The following RUFY4 variants were observed in gnomAD, a reference collection of about 807,000 sequenced individuals.
The protein encoded by RUFY4 is RUN and FYVE domain containing 4, also known as RUN and FYVE domain-containing protein 4.
A neutral mutation model predicts 69.0 loss-of-function variants in RUFY4; 73 were observed. The observed-to-expected ratio is 1.06, with a 90% CI of 0.88 to 1.29. The LOEUF is 1.29. RUFY4 is among the 50% of genes most tolerant of loss of function. The pLI, the probability that RUFY4 is intolerant of heterozygous loss-of-function variation, is 0.00. For missense variants in RUFY4, 770 were observed against 705.6 expected, an observed-to-expected ratio of 1.09 and a Z score of -1.03; for synonymous variants, 287 against 271.8, an observed-to-expected ratio of 1.06 and a Z score of -0.55.
intron 3 of RUFY4, among the ~76,000 whole-genome samples, chr2:218,058,846 C>T (rs1270053420): frequency 3.3e-5 from 5 of 152,148 alleles, no homozygotes; most frequent in African/African-American, 1.2e-4. Context: ...CAACCCTTTG[C>T]ACCTTCTAAG....
intron 2 of RUFY4, among the ~76,000 whole-genome samples, chr2:218,039,300 G>A (rs556499905): frequency 1.3e-5 from 2 of 152,312 alleles, no homozygotes; most frequent in South Asian, 4.1e-4. Context: ...AGGAACAATG[G>A]CAGGCAGACC....
At chr2:218,040,406 T>A (rs553501270) in intron 2 of RUFY4, among the ~76,000 whole-genome samples, 235 of 152,322 alleles carry the variant, frequency 1.5e-3, no homozygotes, top group Admixed American at 2.3e-3. Context: ...CTCCTACGGT[T>A]GGACACACCT....
At chr2:218,049,801 C>A (rs949927137) in intron 2 of RUFY4, among the ~76,000 whole-genome samples, 1 of 152,212 alleles carries the variant, frequency 6.6e-6, no homozygotes, top group African/African-American at 2.4e-5. Flanking sequence ...AGCCACCGTG[C>A]CCAGCTAGGT....
chr2:218,036,795 C>T (rs1958986402), intron 2 of RUFY4, among the ~76,000 whole-genome samples: 1 of 152,250 alleles, frequency 6.6e-6, no homozygotes, highest in African/African-American at 2.4e-5. Context: ...ACTTCTCACT[C>T]TGGTTTGCAG....
chr2:218,085,941 G>C (rs1231733242), intron 9 of RUFY4, among the ~76,000 whole-genome samples: 1 of 152,112 alleles, frequency 6.6e-6, no homozygotes, highest in Non-Finnish European at 1.5e-5. Flanking sequence ...GACAACCAAG[G>C]ATCCCCAGAT....
chr2:218,068,136 T>C (rs528703078), upstream of RUFY4, among the ~76,000 whole-genome samples: 387 of 137,108 alleles, frequency 2.8e-3, 1 homozygote, highest in Middle Eastern at 0.012. Flanking sequence ...GGCAGGGGAC[T>C]GGAGGAGGGC....
chr2:218,084,176 G>T (rs1045564352), intron 9 of RUFY4, among the ~76,000 whole-genome samples: 2 of 152,054 alleles, frequency 1.3e-5, no homozygotes, highest in Non-Finnish European at 2.9e-5. Flanking sequence ...TCAGGAAACA[G>T]GAGACCAGTG....
Position 218,075,232 on chromosome 2 carries a change from TC to T in RUFY4, c.741del (p.Leu249TrpfsTer27). The T allele has an allele frequency of 3.2e-6, 5 of 1,566,706 alleles. No individual in the cohort carries two copies. Among genetic ancestry groups the T allele is most frequent in the Non-Finnish European group, 4.3e-6 (5 of 1,155,652 alleles). On this transcript the variant is annotated frameshift_variant, in exon 7 of 11. Coordinates refer to ENST00000344321, the Ensembl canonical transcript of RUFY4. LOFTEE classifies it high-confidence loss of function. ...TCCCAGCAACAAAGGCATCTTCCTT[TC>T]TTTTTGGAAAAGAAGGGGGAAAGTT...
chr2:218,064,542 C>T (rs1395515829), upstream of RUFY4, among the ~76,000 whole-genome samples: 1 of 152,182 alleles, frequency 6.6e-6, no homozygotes, highest in Non-Finnish European at 1.5e-5. Flanking sequence ...CCAGCTGTAG[C>T]AAGTACTGAG....
At chr2:218,078,453 G>T (rs1268032945) in intron 8 of RUFY4, among the ~76,000 whole-genome samples, 3 of 152,122 alleles carry the variant, frequency 2.0e-5, no homozygotes, top group Non-Finnish European at 4.4e-5. Context: ...GGCCTTCCGG[G>T]CCCCAGTAGA....
intron 8 of RUFY4, among the ~76,000 whole-genome samples, chr2:218,081,141 G>GGGCTC (rs1201833995): frequency 6.6e-6 from 1 of 151,998 alleles, no homozygotes; most frequent in Non-Finnish European, 1.5e-5. Context: ...AATACTTCAG[G>GGGCTC]GGCTCCCCAT....
rs575896443 is a variant in RUFY4, at chr2:218,072,808, C to T, written c.309C>T (p.Ala103=). The T allele has an allele frequency of 3.9e-4, 605 of 1,535,308 alleles. 1 individual carries two copies. Among genetic ancestry groups the T allele is most frequent in the Non-Finnish European group, 5.1e-4 (581 of 1,145,948 alleles). ...AGACCCCTCTGGGGAAAGGCCGTGCCTTCATCCGCTTCTGCCTGGCCCGTG... is the reference window on the plus strand; with the variant it reads ...AGACCCCTCTGGGGAAAGGCCGTGCTTTCATCCGCTTCTGCCTGGCCCGTG... The change falls in exon 4 of 11, where the codon GCC becomes GCT. Residue 103 remains alanine, a synonymous_variant. Coordinates refer to ENST00000344321, the Ensembl canonical transcript of RUFY4.
At chr2:218,067,324 G>A (rs2106042356), upstream of RUFY4, among the ~76,000 whole-genome samples, 1 of 152,366 alleles carries the variant, frequency 6.6e-6, no homozygotes, top group South Asian at 2.1e-4. Context: ...AGCCAGGAGA[G>A]GAATAGGGGC....
intron 5 of RUFY4, 85 bp downstream of exon 7, chr2:218,073,471 A>G: frequency 6.6e-7 from 1 of 1,518,544 alleles, no homozygotes; most frequent in South Asian, 1.2e-5. Flanking sequence ...CCAAGCCCTC[A>G]GCCTCCAGCC....
intron 6 of RUFY4, 166 bp downstream of exon 8, chr2:218,074,051 AGAG>A: frequency 2.9e-6 from 2 of 686,892 alleles, no homozygotes; most frequent in South Asian, 1.8e-5. Context: ...GGGGAGCTGC[AGAG>A]GAGGAGAGGG....
rs116479350 is a variant in RUFY4, at chr2:218,057,168, T to G, written c.-1157-1427T>G. Reference sequence around the variant, plus strand: ...TTGTCAACTCCCAAAAACCTTTGCTTAATGCCAGTGAGTTTTCTTTCAAAA... The same window carrying G: ...TTGTCAACTCCCAAAAACCTTTGCTGAATGCCAGTGAGTTTTCTTTCAAAA... On this transcript the variant is annotated intron_variant and NMD_transcript_variant, in intron 2 of 13. Coordinates refer to the RUFY4 transcript ENST00000457754. Among the ~76,000 whole-genome samples the G allele has an allele frequency of 3.3e-3, 499 of 152,336 alleles. 2 individuals carry two copies. The highest frequency in any genetic ancestry group is 0.011 in the African/African-American group (459 of 41,580).
At chr2:218,067,567 G>T (rs1267803746), upstream of RUFY4, among the ~76,000 whole-genome samples, 1 of 152,216 alleles carries the variant, frequency 6.6e-6, no homozygotes, top group East Asian at 1.9e-4. Context: ...TGGAGCCAGA[G>T]TCAGGGCACA....
In RUFY4 at chr2:218,083,204, G is replaced by C. The variant is rs754749386; in HGVS notation, c.1450G>C (p.Gly484Arg). Reference sequence around the variant, plus strand: ...TGCCATGTACCAGGAGGAGCTTGGAGGGCAGCGGGACTTGGTCCAGGCCAT... The same window carrying C: ...TGCCATGTACCAGGAGGAGCTTGGACGGCAGCGGGACTTGGTCCAGGCCAT... The change falls in exon 9 of 11, where the codon GGG (glycine) becomes CGG (arginine). Residue 484 changes from glycine to arginine, a missense_variant. Physicochemically the swap from Gly to Arg is moderately radical, Grantham distance 125 (BLOSUM62 -2). Transcript: ENST00000344321. The C allele has an allele frequency of 3.7e-6, 6 of 1,613,472 alleles. No individual in the cohort carries two copies. The East Asian group carries it at 1.3e-4, about 36-fold the overall frequency.
chr2:218,084,346 C>T (rs1689842190), intron 9 of RUFY4, among the ~76,000 whole-genome samples: 1 of 152,054 alleles, frequency 6.6e-6, no homozygotes, highest in Admixed American at 6.5e-5. Context: ...GTTCTCCTGC[C>T]TCAGCCTTCC....
Sources: allele counts gnomAD v4.1 joint callset (sites outside exome capture counted in the v4.1 genomes callset), GRCh38; gene constraint gnomAD v4.1.1; transcripts MANE v1.5; gene names NCBI Gene and HGNC (gene_info 2026-07-23, HGNC 2026-07-21).